RAB11FIP3: variants seen among roughly 807,000 people sequenced by gnomAD.
The protein encoded by RAB11FIP3 is rab11 family-interacting protein 3.
In RAB11FIP3, 17 loss-of-function variants were observed where a neutral mutation model predicts 77.8. The observed-to-expected ratio is 0.22, with a 90% CI of 0.15 to 0.33. RAB11FIP3 has a LOEUF of 0.33. Among genes scored for constraint, RAB11FIP3 ranks in the 10% least tolerant of loss-of-function variants. RAB11FIP3 has a pLI of 1.00. For synonymous variants in RAB11FIP3, 437 were observed against 448.2 expected, an observed-to-expected ratio of 0.98 and a Z score of 0.31; for missense variants, 1,005 against 1,011.2, an observed-to-expected ratio of 0.99 and a Z score of 0.08.
rs553369757 is a variant in RAB11FIP3, at chr16:435,001, C to T, written c.714+8281C>T. Among the ~76,000 whole-genome samples the T allele has an allele frequency of 1.1e-4, 17 of 152,176 alleles. No homozygotes were observed. The South Asian group carries it at 3.1e-3, about 28-fold the overall frequency. On this transcript the variant is annotated intron_variant, in intron 1 of 13. Transcript: ENST00000262305. ...CAGGTGGATCACGAGGTCAAGAGAT[C>T]GAGACTAGCCTAACCAACATGGTGA...
chr16:491,751 C>T (rs1203573194), intron 5 of RAB11FIP3, among the ~76,000 whole-genome samples: 1 of 152,204 alleles, frequency 6.6e-6, no homozygotes, highest in Non-Finnish European at 1.5e-5. Flanking sequence ...GTCTAACTCC[C>T]AGTTACAGAA....
intron 3 of RAB11FIP3, among the ~76,000 whole-genome samples, chr16:479,391 C>CA (rs1292388603): frequency 7.3e-5 from 11 of 151,526 alleles, no homozygotes; most frequent in East Asian, 1.9e-4. Context: ...GACTCTATCT[C>CA]AAAAAAAACA....
At chr16:515,819 T>C (rs1438172341) in intron 9 of RAB11FIP3, among the ~76,000 whole-genome samples, 1 of 152,006 alleles carries the variant, frequency 6.6e-6, no homozygotes, top group Non-Finnish European at 1.5e-5. Flanking sequence ...CAGAAGTGGG[T>C]AGCACCAGGA....
chr16:452,402 C>T (rs1317337027), intron 1 of RAB11FIP3: 2 of 152,040 alleles, frequency 1.3e-5, no homozygotes, highest in East Asian at 3.9e-4. Context: ...CCTCTTCCTA[C>T]TGATAGGTGG....
chr16:509,756 C>A (rs181597204), intron 8 of RAB11FIP3, among the ~76,000 whole-genome samples: 40 of 152,330 alleles, frequency 2.6e-4, no homozygotes, highest in South Asian at 8.3e-4. Flanking sequence ...GTGGGCCCCC[C>A]CCCCACTTGT....
intron 1 of RAB11FIP3, among the ~76,000 whole-genome samples, chr16:448,728 T>C (rs1596206158): frequency 8.7e-5 from 9 of 103,196 alleles, no homozygotes; most frequent in Admixed American, 1.2e-4. Flanking sequence ...AGAACGAGAC[T>C]CCGTCTCAAG....
chr16:506,600 G>T lies in RAB11FIP3; in HGVS notation c.1499+973G>T, dbSNP rs1441591123. 6.6e-6 allele frequency among the ~76,000 whole-genome samples: 1 copy of T among 152,202 alleles called. No individual in the cohort carries two copies. Among genetic ancestry groups the T allele is most frequent in the Non-Finnish European group, 1.5e-5 (1 of 68,038 alleles). On this transcript the variant is annotated intron_variant, in intron 8 of 13. Coordinates refer to ENST00000262305, the MANE Select transcript of RAB11FIP3 (RefSeq NM_014700.4). The surrounding 1 kb of genome is among the most constrained non-coding windows in gnomAD (Gnocchi z 4.5). ...CGTGTGTTGGCAGCAGGGCATTTGTGGTCAGCATCCCCAAAGCCCCCAAGC... is the reference window on the plus strand; with the variant it reads ...CGTGTGTTGGCAGCAGGGCATTTGTTGTCAGCATCCCCAAAGCCCCCAAGC...
intron 1 of RAB11FIP3, among the ~76,000 whole-genome samples, chr16:455,636 G>A (rs2055491038): frequency 6.6e-6 from 1 of 152,012 alleles, no homozygotes; most frequent in African/African-American, 2.4e-5. Flanking sequence ...TCACTCTGTC[G>A]CCCACGTGGA....
At chr16:503,824 G>C (rs1456532903) in intron 7 of RAB11FIP3, among the ~76,000 whole-genome samples, 1 of 151,842 alleles carries the variant, frequency 6.6e-6, no homozygotes, top group African/African-American at 2.4e-5. Flanking sequence ...AGGTTGCAGT[G>C]AGCCGAGATT....
At position 503,026 on chromosome 16, in the gene RAB11FIP3, C is replaced by G. The variant is rs763119278; in HGVS notation, c.1324C>G (p.Leu442Val). Residue 442 changes from leucine to valine, a missense_variant, in exon 7 of 14, where the codon CTG becomes GTG. Around this residue, in one of 4 missense-constraint regions of RAB11FIP3, gnomAD observed 433 missense variants for 436.1 expected, o/e 0.99. Coordinates refer to ENST00000262305, the MANE Select transcript of RAB11FIP3 (RefSeq NM_014700.4). ...VARYLHQSGA[L>V]TMEALEDPSP... ...TAGGTACCTGCACCAGTCAGGGGCC[C>G]TGACCATGGAGGCCCTGGAGGACCC... 2.5e-5 allele frequency: 40 copies of G among 1,612,922 alleles called. No homozygotes were observed. Among genetic ancestry groups the G allele is most frequent in the Non-Finnish European group, 2.2e-5 (26 of 1,179,586 alleles).
chr16:426,428 C>A lies in RAB11FIP3; in HGVS notation c.422C>A (p.Ala141Glu). The change falls in exon 1 of 14, where the codon GCG (alanine) becomes GAG (glutamate). Residue 141 changes from alanine to glutamate, a missense_variant. By Grantham distance (107) the Ala-to-Glu change is moderately radical. Coordinates refer to ENST00000262305, the MANE Select transcript of RAB11FIP3 (RefSeq NM_014700.4). This position sits in a 1 kb window ranked among gnomAD's most constrained non-coding sequence, Gnocchi z 5.0. ...ECGPASCPES[A>E]PFRLQGSSSS... ...GGCCCCGCGAGCTGCCCGGAGAGCG[C>A]GCCTTTCCGCTTGCAGGGGTCCAGC... is the stretch of plus-strand genomic sequence containing the variant. 2 of 1,584,550 alleles carry A rather than the reference C, an allele frequency of 1.3e-6. No homozygotes were observed. The highest frequency in any genetic ancestry group is 2.3e-5 in the East Asian group (1 of 43,628).
intron 3 of RAB11FIP3, chr16:477,621 CT>C: frequency 1.0e-6 from 1 of 985,454 alleles, no homozygotes; most frequent in African/African-American, 1.7e-5. Flanking sequence ...GCCCTGGGCC[CT>C]GCCGTCCTGC....
rs2032748493 is a variant in RAB11FIP3, at chr16:522,609, T to C, written c.*1770T>C. 1 of 152,222 alleles carries C rather than the reference T, an allele frequency of 6.6e-6. No individual in the cohort carries two copies. Among genetic ancestry groups the C allele is most frequent in the Non-Finnish European group, 1.5e-5 (1 of 68,040 alleles). The allele number at this position is 152,222 out of a possible 1,614,324, so 9.4% of individuals were successfully genotyped here. A position where few individuals can be genotyped will look rare whatever the true frequency, so the allele number is the denominator to read the frequency against. On this transcript the variant is annotated 3_prime_UTR_variant, in exon 14 of 14. Transcript: ENST00000262305. ...GAGCTCAGAACCCAGCAGACCTGCC[T>C]GGCTCTGCAGCTTGGTCAGACTAAG...
At chr16:510,592 C>T (rs2032095233) in intron 8 of RAB11FIP3, 68 bp from the exon 9 acceptor site, 2 of 1,491,468 alleles carry the variant, frequency 1.3e-6, no homozygotes, top group Non-Finnish European at 1.8e-6. Flanking sequence ...GAGGCAGCTT[C>T]TGGGCATGGG....
rs2054957232 is a variant in RAB11FIP3, at chr16:426,945, A to G, written c.714+225A>G. On this transcript the variant is annotated intron_variant, in intron 1 of 13. Coordinates refer to ENST00000262305, the MANE Select transcript of RAB11FIP3 (RefSeq NM_014700.4). The surrounding 1 kb of genome is among the most constrained non-coding windows in gnomAD (Gnocchi z 5.0). ...AAAGGAGGTTCTATTCTGGGGAGTC[A>G]GTTTCTTCCCCTCCCCCCAGCGCCT... Among the ~76,000 whole-genome samples, 1 of 152,146 alleles carries G rather than the reference A, an allele frequency of 6.6e-6. No homozygotes were observed. Among genetic ancestry groups the G allele is most frequent in the Admixed American group, 6.5e-5 (1 of 15,286 alleles).
chr16:504,236 G>A (rs1273496583), intron 7 of RAB11FIP3, among the ~76,000 whole-genome samples: 1 of 7,960 alleles, frequency 1.3e-4, no homozygotes, highest in Non-Finnish European at 1.9e-4. Context: ...ACCTCCTCCT[G>A]TACCCCCTCA....
intron 5 of RAB11FIP3, among the ~76,000 whole-genome samples, chr16:492,296 C>CATTCTGGAGCATCGGGGG (rs1202678331): frequency 6.8e-6 from 1 of 146,688 alleles, no homozygotes; most frequent in Non-Finnish European, 1.5e-5. Context: ...CACTGATGGC[C>CATTCTGGAGCATCGGGGG]ATTCTGGAGC....
chr16:481,504 C>T (rs887756973), intron 3 of RAB11FIP3, among the ~76,000 whole-genome samples: 4 of 152,038 alleles, frequency 2.6e-5, no homozygotes, highest in Non-Finnish European at 5.9e-5. Context: ...AGAGTGAGAC[C>T]CTGTCTCAAA....
Position 510,744 on chromosome 16 carries a change from G to C in RAB11FIP3, c.1584G>C (p.Glu528Asp). The change falls in exon 9 of 14, where the codon GAG becomes GAC. Residue 528 changes from glutamate to aspartate, a missense_variant. Physicochemically the swap from Glu to Asp is conservative, Grantham distance 45. Transcript: ENST00000262305. ...MVLEETRRQK[E>D]LLCKMEREKS... ...TGGAAGAGACCCGGCGTCAGAAGGA[G>C]CTCCTGTGCAAGATGGAGAGGGAGA... is the stretch of plus-strand genomic sequence containing the variant. 6.2e-7 allele frequency: 1 copy of C among 1,613,422 alleles called. No homozygotes were observed. The highest frequency in any genetic ancestry group is 2.2e-5 in the East Asian group (1 of 44,882).
Sources: gnomAD v4.1 joint callset for allele counts (sites outside exome capture counted in the v4.1 genomes callset) on GRCh38, gnomAD v4.1.1 for gene constraint, gnomAD v4.1.1 regional missense constraint, Gnocchi (gnomAD v3.1) non-coding constraint, MANE v1.5 for transcripts, NCBI Gene and HGNC (gene_info 2026-07-23, HGNC 2026-07-21) for gene names.